The following ATG7 variants were observed in gnomAD, a reference collection of about 807,000 sequenced individuals.
ATG7 encodes ubiquitin-like modifier-activating enzyme ATG7.
In ATG7, 70 loss-of-function variants were observed where a neutral mutation model predicts 82.4. The ratio of observed to expected loss-of-function variants is 0.85; its 90% confidence interval spans 0.70 to 1.04. The LOEUF is 1.04. Ranked by LOEUF, ATG7 falls within the 50% of genes least tolerant of loss-of-function variation. The probability of loss-of-function intolerance (pLI) is 0.00; values close to 1 mark genes in which losing one functional copy is unlikely to be tolerated. For missense variants in ATG7, 792 were observed against 864.3 expected, an observed-to-expected ratio of 0.92 and a Z score of 1.05; for synonymous variants, 287 against 313.0, an observed-to-expected ratio of 0.92 and a Z score of 0.88.
intron 20 of ATG7, among the ~76,000 whole-genome samples, chr3:11,441,777 C>G (rs1055886385): frequency 4.0e-5 from 6 of 151,354 alleles, no homozygotes; most frequent in Non-Finnish European, 8.8e-5. Context: ...AGCAATTCTC[C>G]TGCCTCAGCC....
intron 11 of ATG7, among the ~76,000 whole-genome samples, chr3:11,336,173 A>G (rs902786262): frequency 1.0e-4 from 15 of 147,362 alleles, no homozygotes; most frequent in South Asian, 8.8e-4. Flanking sequence ...AGCTGGGACT[A>G]CAGGTACACG....
chr3:11,356,933 G>T (rs532489863), intron 14 of ATG7, among the ~76,000 whole-genome samples: 2 of 152,076 alleles, frequency 1.3e-5, no homozygotes, highest in African/African-American at 4.8e-5. Flanking sequence ...TCTGCCTCAG[G>T]TCCTTTCCTG....
intron 20 of ATG7, among the ~76,000 whole-genome samples, chr3:11,534,120 C>T (rs1452406394): frequency 6.6e-6 from 1 of 152,226 alleles, no homozygotes; most frequent in Admixed American, 6.5e-5. Flanking sequence ...GTTGGCACAG[C>T]CATGCCCCTT....
chr3:11,281,511 G>A (rs555262954), intron 2 of ATG7, among the ~76,000 whole-genome samples: 2 of 152,080 alleles, frequency 1.3e-5, no homozygotes, highest in African/African-American at 4.8e-5. Context: ...GGTGGCTCAC[G>A]CCTATAATCC....
the ATG7 span, among the ~76,000 whole-genome samples, chr3:11,574,105 A>G: frequency 1.3e-5 from 2 of 152,298 alleles, no homozygotes; most frequent in Admixed American, 1.3e-4. Flanking sequence ...CCTTGATCTC[A>G]GGCACCAGGA....
chr3:11,332,676 C>G (rs555377282), intron 10 of ATG7: 1 of 190,312 alleles, frequency 5.3e-6, no homozygotes, highest in Admixed American at 6.1e-5. Flanking sequence ...AGCATTTTTT[C>G]CGCATTTAAA....
At chr3:11,305,002 TC>T (rs1284902674) in intron 5 of ATG7, among the ~76,000 whole-genome samples, 1 of 152,010 alleles carries the variant, frequency 6.6e-6, no homozygotes, top group East Asian at 1.9e-4. Context: ...TTACTCTCCA[TC>T]CCCCCTCCTC....
intron 3 of ATG7, among the ~76,000 whole-genome samples, chr3:11,291,457 C>T (rs755101616): frequency 1.3e-5 from 2 of 152,146 alleles, no homozygotes; most frequent in African/African-American, 4.8e-5. Flanking sequence ...CTAGCAGACC[C>T]GGGTTATCAT....
At chr3:11,567,161 C>A in the ATG7 span, among the ~76,000 whole-genome samples, 2 of 152,136 alleles carry the variant, frequency 1.3e-5, no homozygotes, top group African/African-American at 2.4e-5. Flanking sequence ...AGCTTAGTGA[C>A]CCGAGGCGTT....
intron 3 of ATG7, among the ~76,000 whole-genome samples, chr3:11,293,895 G>A (rs1316922968): frequency 6.6e-6 from 1 of 151,470 alleles, no homozygotes; most frequent in African/African-American, 2.4e-5. Flanking sequence ...ACACACACCT[G>A]TAGTCCCAGC....
intron 3 of ATG7, among the ~76,000 whole-genome samples, chr3:11,282,919 G>A (rs952778458): frequency 6.6e-6 from 1 of 152,146 alleles, no homozygotes; most frequent in Admixed American, 6.5e-5. Context: ...GTTTGTCAGC[G>A]GGACTTGGTC....
intron 20 of ATG7, among the ~76,000 whole-genome samples, chr3:11,544,125 G>A (rs905407866): frequency 2.6e-5 from 4 of 152,242 alleles, no homozygotes; most frequent in African/African-American, 9.6e-5. Context: ...TGGCCCAGGG[G>A]TGAAGGGATC....
chr3:11,424,787 T>A (rs955174820), intron 19 of ATG7, among the ~76,000 whole-genome samples: 1 of 152,196 alleles, frequency 6.6e-6, no homozygotes, highest in Non-Finnish European at 1.5e-5. Context: ...AGATGATACA[T>A]GCATAAACAA....
intron 8 of ATG7, among the ~76,000 whole-genome samples, chr3:11,314,264 A>G (rs889532957): frequency 1.3e-5 from 2 of 152,154 alleles, no homozygotes; most frequent in African/African-American, 2.4e-5. Context: ...TAAACTAGAG[A>G]ATTCTTATTG....
At position 11,360,661 on chromosome 3, in the gene ATG7, T is replaced by A. The variant is rs1429695499; in HGVS notation, c.1560T>A (p.Ala520=). ...HGLKKPKQQG[A]GDLCPNHPVA... ...TGAAGAAACCAAAGCAGCAAGGAGC[T>A]GGGGACTTGTGTCCAAACCACCCTG... The change falls in exon 16 of 21, where the codon GCT becomes GCA. Residue 520 remains alanine, a synonymous_variant. Transcript: ENST00000693202. 1.2e-6 allele frequency: 2 copies of A among 1,614,196 alleles called. No individual in the cohort carries two copies. Among genetic ancestry groups the A allele is most frequent in the Non-Finnish European group, 1.7e-6 (2 of 1,180,024 alleles).
the ATG7 span, among the ~76,000 whole-genome samples, chr3:11,572,841 C>T: frequency 6.6e-6 from 1 of 152,038 alleles, no homozygotes; most frequent in African/African-American, 2.4e-5. Flanking sequence ...TATGGACCGG[C>T]GCCTGGGCAC....
intron 20 of ATG7, among the ~76,000 whole-genome samples, chr3:11,476,356 C>T (rs141850108): frequency 0.011 from 1,708 of 151,922 alleles, 30 homozygotes; most frequent in African/African-American, 0.039. Context: ...AGCTCAATGC[C>T]GTGGATGCGT....
chr3:11,467,125 A>AG (rs1488861716), intron 20 of ATG7, among the ~76,000 whole-genome samples: 1 of 92,318 alleles, frequency 1.1e-5, no homozygotes, highest in Non-Finnish European at 2.0e-5. Context: ...ACCCCATCTC[A>AG]GAAAAAAACA....
At chr3:11,301,776 GT>G (rs1389274299) in intron 5 of ATG7, among the ~76,000 whole-genome samples, 1 of 152,178 alleles carries the variant, frequency 6.6e-6, no homozygotes, top group Non-Finnish European at 1.5e-5. Flanking sequence ...TCAACAGTCT[GT>G]TTTGTGTAAT....
Sources: gnomAD v4.1 joint callset for allele counts (sites outside exome capture counted in the v4.1 genomes callset) on GRCh38, gnomAD v4.1.1 for gene constraint, MANE v1.5 for transcripts, NCBI Gene and HGNC (gene_info 2026-07-23, HGNC 2026-07-21) for gene names.